PPM1L: variants seen among roughly 807,000 people sequenced by gnomAD.
PPM1L encodes the protein protein phosphatase 1L.
A neutral mutation model predicts 31.4 loss-of-function variants in PPM1L; 13 were observed. The ratio of observed to expected loss-of-function variants is 0.41; its 90% CI spans 0.27 to 0.66. The LOEUF (loss-of-function observed/expected upper bound fraction) is 0.66, where lower values mean the gene tolerates loss of function less well. Among genes scored for constraint, PPM1L ranks in the 30% least tolerant of loss-of-function variants. The pLI is 0.29. For synonymous variants in PPM1L, 184 were observed against 175.4 expected, an observed-to-expected ratio of 1.05 and a Z score of -0.39; for missense variants, 326 against 453.7, an observed-to-expected ratio of 0.72 and a Z score of 2.56.
intron 1 of PPM1L, among the ~76,000 whole-genome samples, chr3:160,809,461 A>G (rs1477691639): frequency 1.3e-5 from 2 of 152,096 alleles, no homozygotes; most frequent in African/African-American, 4.8e-5. Flanking sequence ...TGGTATTTAA[A>G]TAGCTTCAAC....
In PPM1L at chr3:160,961,868, C is replaced by T. The variant is rs764770635; in HGVS notation, c.532C>T (p.Arg178Ter). ...ILEQQILSIDREMLEKLTVSY... is the reference protein window; with the variant it reads ...ILEQQILSID The stretch of plus-strand genomic sequence containing the variant: ...TGAACAGCAGATTTTGTCAATTGAC[C>T]GAGAAATGCTAGAAAAATTGACTGT... Residue 178 changes from arginine to a stop codon, truncating the protein, a stop_gained, in exon 2 of 4, where the codon CGA becomes TGA. Coordinates refer to ENST00000498165, the MANE Select transcript of PPM1L (RefSeq NM_139245.4). LOFTEE classifies it high-confidence loss of function. 9.5e-6 allele frequency: 15 copies of T among 1,586,764 alleles called. No individual in the cohort carries two copies. The highest frequency in any genetic ancestry group is 1.2e-5 in the South Asian group (1 of 85,374).
chr3:161,067,298 A>T (rs1414228060), intron 3 of PPM1L, among the ~76,000 whole-genome samples: 1 of 152,202 alleles, frequency 6.6e-6, no homozygotes, highest in Non-Finnish European at 1.5e-5. Context: ...GTCTCCAAGG[A>T]GGTTAATCTA....
At chr3:160,965,545 A>G (rs1313285494) in intron 2 of PPM1L, among the ~76,000 whole-genome samples, 3 of 152,120 alleles carry the variant, frequency 2.0e-5, no homozygotes, top group South Asian at 2.1e-4. Flanking sequence ...TGTTCCGAGC[A>G]TATATAAGTT....
intron 2 of PPM1L, among the ~76,000 whole-genome samples, chr3:161,063,212 T>C (rs1378162586): frequency 2.6e-5 from 4 of 151,980 alleles, no homozygotes; most frequent in Non-Finnish European, 2.9e-5. Context: ...CAGTTTCCAA[T>C]ATAAAAAAAA....
At chr3:161,059,950 C>G (rs1484770373) in intron 2 of PPM1L, among the ~76,000 whole-genome samples, 2 of 152,060 alleles carry the variant, frequency 1.3e-5, no homozygotes, top group African/African-American at 4.8e-5. Context: ...ACTATGCTTC[C>G]AGTACAGCCT....
intron 1 of PPM1L, among the ~76,000 whole-genome samples, chr3:160,786,207 A>ATTTT (rs35386910): frequency 7.4e-4 from 23 of 30,874 alleles, no homozygotes; most frequent in African/African-American, 2.1e-3. Flanking sequence ...ATATATATAT[A>ATTTT]TTTTTTTTTT....
intron 1 of PPM1L, among the ~76,000 whole-genome samples, chr3:160,800,540 G>A (rs765657063): frequency 1.3e-5 from 2 of 152,102 alleles, no homozygotes; most frequent in African/African-American, 2.4e-5. Context: ...GTTGGCTTAT[G>A]TAGGGAGAAA....
chr3:160,914,222 G>A (rs1036770270), intron 1 of PPM1L, among the ~76,000 whole-genome samples: 5 of 152,070 alleles, frequency 3.3e-5, no homozygotes, highest in African/African-American at 1.2e-4. Flanking sequence ...GTATTTTTGT[G>A]AAGCATCTGT....
At chr3:161,065,257 A>G (rs1334569431) in intron 2 of PPM1L, 146 bp from the exon 3 acceptor site, 1 of 687,554 alleles carries the variant, frequency 1.5e-6, no homozygotes, top group Non-Finnish European at 2.5e-6. Context: ...GTCGAAGTGA[A>G]CAGCCATCAT....
At chr3:160,835,526 A>T (rs1317071725) in intron 1 of PPM1L, among the ~76,000 whole-genome samples, 1 of 152,002 alleles carries the variant, frequency 6.6e-6, no homozygotes, top group African/African-American at 2.4e-5. Flanking sequence ...CCTCACATCT[A>T]TAGCTTTTAT....
intron 1 of PPM1L, among the ~76,000 whole-genome samples, chr3:160,862,695 CACACACACAA>C (rs1182418303): frequency 0.033 from 4,892 of 147,552 alleles, 217 homozygotes; most frequent in African/African-American, 0.11. Flanking sequence ...CACACACACA[CACACACACAA>C]AATTCTGAAA....
chr3:160,766,597 G>A (rs1715106873), intron 1 of PPM1L, among the ~76,000 whole-genome samples: 1 of 152,062 alleles, frequency 6.6e-6, no homozygotes, highest in Admixed American at 6.6e-5. Context: ...ATGTGGAACT[G>A]TGAGTCAATT....
In PPM1L at chr3:161,006,972, G is replaced by A. The variant is rs540419960; in HGVS notation, c.574+45062G>A. ...GCTGGGATTATAGGCGTGAGCCACCGCGCCCGGCCCCCTACCTTCTTTCCT... is the reference window on the plus strand; with the variant it reads ...GCTGGGATTATAGGCGTGAGCCACCACGCCCGGCCCCCTACCTTCTTTCCT... On this transcript the variant is annotated intron_variant, in intron 2 of 3. Transcript: ENST00000498165. Among the ~76,000 whole-genome samples the A allele has an allele frequency of 8.5e-4, 130 of 152,266 alleles. 1 individual carries two copies. The highest frequency in any genetic ancestry group is 2.8e-3 in the African/African-American group (118 of 41,562).
In PPM1L at chr3:160,756,584, C is replaced by A; in HGVS notation, c.276C>A (p.Asn92Lys). The A allele has an allele frequency of 6.2e-7, 1 of 1,614,106 alleles. No individual in the cohort carries two copies. Among genetic ancestry groups the A allele is most frequent in the Non-Finnish European group, 8.5e-7 (1 of 1,180,030 alleles). ...FSKTWEFKNHNVAVYSIQGRR... is the reference protein window; with the variant it reads ...FSKTWEFKNHKVAVYSIQGRR... ...AGACCTGGGAGTTCAAGAACCACAA[C>A]GTGGCGGTGTACTCCATCCAGGGCC... The change falls in exon 1 of 4, where the codon AAC becomes AAA. Residue 92 changes from asparagine (N) to lysine (K), a missense_variant. Transcript: ENST00000498165. This position sits in a 1 kb window ranked among gnomAD's most constrained non-coding sequence, Gnocchi z 6.2.
chr3:160,914,652 G>T (rs1251559552), intron 1 of PPM1L, among the ~76,000 whole-genome samples: 1 of 152,044 alleles, frequency 6.6e-6, no homozygotes, highest in Non-Finnish European at 1.5e-5. Context: ...GTATTCCATG[G>T]TGTATATGTG....
intron 1 of PPM1L, among the ~76,000 whole-genome samples, chr3:160,938,837 G>A (rs1715064165): frequency 6.6e-6 from 1 of 152,180 alleles, no homozygotes; most frequent in African/African-American, 2.4e-5. Flanking sequence ...CCTTCCAGAA[G>A]TTGGAATAAC....
chr3:160,979,521 T>C (rs1412182823), intron 2 of PPM1L, among the ~76,000 whole-genome samples: 1 of 147,722 alleles, frequency 6.8e-6, no homozygotes, highest in Non-Finnish European at 1.5e-5. Flanking sequence ...CAGGAAACAA[T>C]TTTTTTTTTT....
At chr3:160,775,750 C>A (rs1279223401) in intron 1 of PPM1L, among the ~76,000 whole-genome samples, 1 of 152,166 alleles carries the variant, frequency 6.6e-6, no homozygotes, top group Admixed American at 6.5e-5. Context: ...ATTAGACGTG[C>A]CTGAGTTTTC....
intron 1 of PPM1L, among the ~76,000 whole-genome samples, chr3:160,914,195 G>A (rs1368205796): frequency 6.6e-6 from 1 of 152,040 alleles, no homozygotes; most frequent in African/African-American, 2.4e-5. Flanking sequence ...TAATATGCTT[G>A]GTGGCCATTC....
Sources: gnomAD v4.1 joint callset for allele counts (sites outside exome capture counted in the v4.1 genomes callset) on GRCh38, gnomAD v4.1.1 for gene constraint, Gnocchi (gnomAD v3.1) non-coding constraint, MANE v1.5 for transcripts, NCBI Gene and HGNC (gene_info 2026-07-23, HGNC 2026-07-21) for gene names.